CASP5: variants seen among roughly 807,000 people sequenced by gnomAD.
CASP5 encodes caspase-5.
In CASP5, 42 loss-of-function variants were observed where a neutral mutation model predicts 45.2. That is an observed-to-expected ratio of 0.93 (90% confidence interval 0.73 to 1.20). The LOEUF (loss-of-function observed/expected upper bound fraction) is 1.20. Ranked by LOEUF, CASP5 falls within the 50% of genes most tolerant of loss-of-function variation. The probability of loss-of-function intolerance (pLI) is 0.00; values close to 1 mark genes in which losing one functional copy is unlikely to be tolerated. For synonymous variants in CASP5, 209 were observed against 186.2 expected (o/e 1.12, Z -1.00); for missense variants, 512 against 532.2 (o/e 0.96, Z 0.37).
At chr11:105,008,776 G>A (rs2134724134) in intron 2 of CASP5, 31 bp downstream of exon 2, 1 of 1,509,540 alleles carries the variant, frequency 6.6e-7, no homozygotes, top group East Asian at 2.3e-5. Flanking sequence ...TAAAAAATTG[G>A]AAATATCCAT....
At chr11:105,010,443 TATC>T (rs1164934855) in intron 1 of CASP5, among the ~76,000 whole-genome samples, 16 of 149,294 alleles carry the variant, frequency 1.1e-4, no homozygotes, top group Non-Finnish European at 2.2e-4. Context: ...AATCAGTAAT[TATC>T]ATTATTATAC....
At chr11:105,008,721 G>A in intron 2 of CASP5, 86 bp downstream of exon 2, 1 of 897,202 alleles carries the variant, frequency 1.1e-6, no homozygotes, top group Middle Eastern at 3.6e-4. Flanking sequence ...GGAGGATAGG[G>A]GGATCACAGA....
chr11:105,016,330 T>C (rs891376321), intron 1 of CASP5, among the ~76,000 whole-genome samples: 4 of 152,256 alleles, frequency 2.6e-5, no homozygotes, highest in Non-Finnish European at 5.9e-5. Flanking sequence ...TAGGAACAGC[T>C]CCAGTCTACA....
At chr11:105,007,715 G>C (rs1169934886) in intron 2 of CASP5, among the ~76,000 whole-genome samples, 2 of 152,090 alleles carry the variant, frequency 1.3e-5, no homozygotes, top group Non-Finnish European at 2.9e-5. Flanking sequence ...TGTCTAGACT[G>C]TAAATACTAC....
At chr11:105,011,621 A>G (rs2134735987) in intron 1 of CASP5, among the ~76,000 whole-genome samples, 1 of 151,946 alleles carries the variant, frequency 6.6e-6, no homozygotes, top group South Asian at 2.1e-4. Context: ...TACAAAAACA[A>G]CATGCAAAAA....
intron 1 of CASP5, among the ~76,000 whole-genome samples, chr11:105,009,810 C>CACATATATATAT (rs1862219773): frequency 3.0e-5 from 3 of 98,436 alleles, no homozygotes; most frequent in African/African-American, 5.6e-5. Flanking sequence ...TATATATACA[C>CACATATATATAT]ACACATATAT....
At chr11:105,022,393 T>G (rs1398551548) in intron 1 of CASP5, among the ~76,000 whole-genome samples, 1 of 152,128 alleles carries the variant, frequency 6.6e-6, no homozygotes, top group African/African-American at 2.4e-5. Flanking sequence ...ACTGATCTAT[T>G]CCAGTTTCTT....
intron 2 of CASP5, 71 bp downstream of exon 2, chr11:105,008,736 A>T: frequency 9.6e-7 from 1 of 1,042,654 alleles, no homozygotes; most frequent in Non-Finnish European, 1.5e-6. Context: ...CACAGAAGTC[A>T]CTGCATGGGA....
intron 1 of CASP5, among the ~76,000 whole-genome samples, chr11:105,022,715 C>G (rs996974885): frequency 6.6e-6 from 1 of 152,098 alleles, no homozygotes. Flanking sequence ...GATGACAACA[C>G]GTTGAGAACA....
chr11:105,015,917 T>C (rs1452635693), intron 1 of CASP5, among the ~76,000 whole-genome samples: 1 of 152,176 alleles, frequency 6.6e-6, no homozygotes, highest in Non-Finnish European at 1.5e-5. Flanking sequence ...CAGTAAACAT[T>C]TGCTTCTTTT....
At chr11:105,006,213 G>T (rs1170086090) in intron 3 of CASP5, among the ~76,000 whole-genome samples, 1 of 152,132 alleles carries the variant, frequency 6.6e-6, no homozygotes, top group Non-Finnish European at 1.5e-5. Flanking sequence ...ACATTTTATA[G>T]TAGTTCCCTG....
intron 8 of CASP5, among the ~76,000 whole-genome samples, chr11:104,996,757 A>C (rs1407263819): frequency 6.6e-6 from 1 of 152,174 alleles, no homozygotes; most frequent in Non-Finnish European, 1.5e-5. Context: ...ATAAACTATT[A>C]ATATATGCTT....
intron 1 of CASP5, among the ~76,000 whole-genome samples, chr11:105,018,846 A>T (rs1205912763): frequency 6.9e-6 from 1 of 145,724 alleles, no homozygotes; most frequent in Non-Finnish European, 1.5e-5. Context: ...AATCAACAGA[A>T]TATACATTTT....
At chr11:105,014,300 T>C (rs564458037) in intron 1 of CASP5, among the ~76,000 whole-genome samples, 1 of 152,170 alleles carries the variant, frequency 6.6e-6, no homozygotes, top group East Asian at 1.9e-4. Context: ...GATGGCATTT[T>C]TTTTTTTCAG....
rs1467271500 is a variant in CASP5, at chr11:105,002,340, C to T, written c.544-139G>A. The T allele has an allele frequency of 9.2e-6, 6 of 653,648 alleles. No homozygotes were observed. The East Asian group carries it at 1.6e-4, about 17-fold the overall frequency. 40.5% of individuals were successfully genotyped at this position (653,648 alleles called of 1,614,324 possible). Reference sequence around the variant, plus strand: ...CTATCAGAAGACACTGCCTTCCTCTCTCTCAAGAGCCCAGAGCAAGAACCA... The same window carrying T: ...CTATCAGAAGACACTGCCTTCCTCTTTCTCAAGAGCCCAGAGCAAGAACCA... On this transcript the variant is annotated intron_variant, in intron 4 of 9. Coordinates refer to ENST00000260315, the MANE Select transcript of CASP5 (RefSeq NM_004347.5).
At chr11:105,020,060 TGATTATCTCAATA>T (rs1407555250) in intron 1 of CASP5, among the ~76,000 whole-genome samples, 1 of 145,546 alleles carries the variant, frequency 6.9e-6, no homozygotes, top group Non-Finnish European at 1.5e-5. Flanking sequence ...AAAAACCACG[TGATTATCTCAATA>T]GATGCAGAAA....
intron 1 of CASP5, among the ~76,000 whole-genome samples, chr11:105,009,662 T>C (rs1862171889): frequency 7.0e-6 from 1 of 143,568 alleles, no homozygotes; most frequent in Non-Finnish European, 1.5e-5. Flanking sequence ...TAATACTGAG[T>C]TAATGTATTA....
At chr11:105,004,889 G>A (rs1861928487) in intron 3 of CASP5, among the ~76,000 whole-genome samples, 1 of 152,044 alleles carries the variant, frequency 6.6e-6, no homozygotes. Context: ...CTGAGGGTAT[G>A]TTTTCCTGTT....
At chr11:104,998,354 C>T (rs45627534) in intron 7 of CASP5, among the ~76,000 whole-genome samples, 2,736 of 152,188 alleles carry the variant, frequency 0.018, 80 homozygotes, top group African/African-American at 0.056. Flanking sequence ...GAAATACAAA[C>T]GACTGTTTCC....
Sources: allele counts gnomAD v4.1 joint callset (sites outside exome capture counted in the v4.1 genomes callset), GRCh38; gene constraint gnomAD v4.1.1; transcripts MANE v1.5; gene names NCBI Gene and HGNC (gene_info 2026-07-23, HGNC 2026-07-21).